Variants in DIAPH3 observed in about 807,000 individuals in gnomAD.
DIAPH3 encodes the protein protein diaphanous homolog 3.
Under a neutral mutation model 144.3 loss-of-function variants are expected in DIAPH3, and 117 were observed. That is an observed-to-expected ratio of 0.81 (90% confidence interval 0.70 to 0.95). The LOEUF is 0.95. Ranked by LOEUF, DIAPH3 falls within the 40% of genes least tolerant of loss-of-function variation. DIAPH3 has a pLI of 0.00. For missense variants in DIAPH3, 1,421 were observed against 1,412.7 expected (o/e 1.01, Z -0.09); for synonymous variants, 519 against 488.9 (o/e 1.06, Z -0.81).
chr13:60,060,822 T>C (rs1429829662), intron 4 of DIAPH3, among the ~76,000 whole-genome samples: 1 of 152,082 alleles, frequency 6.6e-6, no homozygotes, highest in Admixed American at 6.6e-5. Context: ...ATTTTAATAA[T>C]ATACAAAATT....
chr13:59,958,241 T>A (rs1392837228), intron 17 of DIAPH3, among the ~76,000 whole-genome samples: 1 of 152,148 alleles, frequency 6.6e-6, no homozygotes, highest in Non-Finnish European at 1.5e-5. Flanking sequence ...TAAAATTATA[T>A]ATATTCATAT....
At chr13:60,075,271 A>G (rs2057342786) in intron 4 of DIAPH3, among the ~76,000 whole-genome samples, 1 of 151,982 alleles carries the variant, frequency 6.6e-6, no homozygotes, top group African/African-American at 2.4e-5. Flanking sequence ...ACTTCTTCCT[A>G]TTGGGTTGTT....
intron 25 of DIAPH3, among the ~76,000 whole-genome samples, chr13:59,791,195 C>T (rs561566042): frequency 1.6e-4 from 25 of 152,276 alleles, no homozygotes; most frequent in Admixed American, 1.6e-3. Flanking sequence ...GTCTCAAACT[C>T]CTGGCCTCAT....
At chr13:60,098,201 A>T (rs2058164243) in intron 3 of DIAPH3, among the ~76,000 whole-genome samples, 1 of 152,106 alleles carries the variant, frequency 6.6e-6, no homozygotes, top group African/African-American at 2.4e-5. Flanking sequence ...TGAAACAGGG[A>T]TTCAGGTGCA....
chr13:59,957,202 CA>C (rs1364604284), intron 17 of DIAPH3, among the ~76,000 whole-genome samples: 1 of 152,038 alleles, frequency 6.6e-6, no homozygotes, highest in Non-Finnish European at 1.5e-5. Flanking sequence ...TGGGAGGGAC[CA>C]GGGGTGGAAT....
intron 27 of DIAPH3, among the ~76,000 whole-genome samples, chr13:59,671,591 G>A (rs1487163487): frequency 1.3e-5 from 2 of 152,102 alleles, no homozygotes; most frequent in Non-Finnish European, 2.9e-5. Flanking sequence ...TTGTAGTACT[G>A]ATAGGCAAAG....
chr13:60,091,580 A>G (rs1037469482), intron 4 of DIAPH3, among the ~76,000 whole-genome samples: 1 of 151,970 alleles, frequency 6.6e-6, no homozygotes, highest in Admixed American at 6.6e-5. Context: ...GAGCCACCAC[A>G]CCTGGCCTTA....
chr13:59,919,604 A>T (rs1462213722), intron 18 of DIAPH3, among the ~76,000 whole-genome samples: 1 of 152,080 alleles, frequency 6.6e-6, no homozygotes, highest in Non-Finnish European at 1.5e-5. Flanking sequence ...TCCCAGACAA[A>T]CAGAAGCTAA....
chr13:59,798,257 A>C (rs1176375828), intron 25 of DIAPH3, among the ~76,000 whole-genome samples: 4 of 152,168 alleles, frequency 2.6e-5, no homozygotes, highest in Non-Finnish European at 5.9e-5. Context: ...CCTCTGATCC[A>C]TCTGCGTTTT....
At chr13:60,139,907 T>C (rs919192854) in intron 1 of DIAPH3, among the ~76,000 whole-genome samples, 2 of 152,208 alleles carry the variant, frequency 1.3e-5, no homozygotes, top group Non-Finnish European at 2.9e-5. Context: ...AAAACTCTTT[T>C]GCAACATGTC....
chr13:59,757,452 G>A (rs1234862057), intron 27 of DIAPH3, among the ~76,000 whole-genome samples: 8 of 135,382 alleles, frequency 5.9e-5, no homozygotes, highest in African/African-American at 2.3e-4. Flanking sequence ...CCAGGCTGGA[G>A]TGCAATGGCG....
intron 17 of DIAPH3, among the ~76,000 whole-genome samples, chr13:59,968,239 A>T (rs968303541): frequency 2.0e-5 from 3 of 152,320 alleles, no homozygotes; most frequent in African/African-American, 7.2e-5. Flanking sequence ...TTCCCTTTTG[A>T]GCCTCATTAA....
intron 18 of DIAPH3, among the ~76,000 whole-genome samples, chr13:59,918,544 C>A (rs1190999497): frequency 6.6e-6 from 1 of 152,116 alleles, no homozygotes; most frequent in South Asian, 2.1e-4. Flanking sequence ...ACATTAAGAA[C>A]CACGAAAGTA....
chr13:59,781,711 C>T (rs2038748767), intron 25 of DIAPH3, among the ~76,000 whole-genome samples: 1 of 152,150 alleles, frequency 6.6e-6, no homozygotes, highest in African/African-American at 2.4e-5. Flanking sequence ...AAATACTAAA[C>T]AAACTTTTTG....
intron 7 of DIAPH3, chr13:60,013,117 G>A (rs2140965464): frequency 1.0e-6 from 1 of 985,012 alleles, no homozygotes. Flanking sequence ...AATTTTGAAA[G>A]GTCTAAGGAT....
chr13:59,935,490 G>A (rs932514634), intron 17 of DIAPH3, among the ~76,000 whole-genome samples: 2 of 152,184 alleles, frequency 1.3e-5, no homozygotes, highest in African/African-American at 4.8e-5. Context: ...ATAGGTGGTT[G>A]ATAGGACAAT....
chr13:59,825,189 C>T (rs942769835), intron 24 of DIAPH3, among the ~76,000 whole-genome samples: 10 of 152,140 alleles, frequency 6.6e-5, no homozygotes, highest in African/African-American at 2.4e-4. Context: ...CCTCCCCTCT[C>T]CCCCTACCCC....
intron 25 of DIAPH3, among the ~76,000 whole-genome samples, chr13:59,775,102 T>C (rs1385218825): frequency 6.6e-6 from 1 of 152,196 alleles, no homozygotes; most frequent in Non-Finnish European, 1.5e-5. Flanking sequence ...AACAGCACAA[T>C]TACCTTAAAT....
intron 2 of DIAPH3, among the ~76,000 whole-genome samples, chr13:60,127,541 T>C (rs1010286191): frequency 7.9e-5 from 12 of 152,016 alleles, no homozygotes; most frequent in African/African-American, 2.9e-4. Flanking sequence ...CAAATGCTCA[T>C]AGCAACTGTA....
Sources: allele counts gnomAD v4.1 joint callset (sites outside exome capture counted in the v4.1 genomes callset), GRCh38; gene constraint gnomAD v4.1.1; transcripts MANE v1.5; gene names NCBI Gene and HGNC (gene_info 2026-07-23, HGNC 2026-07-21).